JCAD: variants seen among roughly 807,000 people sequenced by gnomAD.
JCAD encodes the protein junctional cadherin 5-associated protein.
Under a neutral mutation model 98.0 loss-of-function variants are expected in JCAD, and 40 were observed. The observed-to-expected ratio is 0.41, with a 90% CI of 0.32 to 0.53. The LOEUF (loss-of-function observed/expected upper bound fraction) is 0.53, where lower values mean the gene tolerates loss of function less well. JCAD is among the 20% of genes least tolerant of loss of function. JCAD has a pLI of 0.31. For missense variants in JCAD, 1,705 were observed against 1,738.1 expected (o/e 0.98, Z 0.34); for synonymous variants, 691 against 682.3 (o/e 1.01, Z -0.20).
At chr10:30,043,733 C>T (rs901958246) in intron 2 of JCAD, among the ~76,000 whole-genome samples, 4 of 152,288 alleles carry the variant, frequency 2.6e-5, no homozygotes, top group Admixed American at 6.5e-5. Flanking sequence ...TCCTTTCAAA[C>T]GAAAACAGGC....
intron 1 of JCAD, among the ~76,000 whole-genome samples, chr10:30,081,961 G>A (rs1234226331): frequency 6.6e-6 from 1 of 152,162 alleles, no homozygotes; most frequent in Non-Finnish European, 1.5e-5. Context: ...AGTGTTTGGA[G>A]ATATCAAATG....
chr10:30,027,220 C>A lies in JCAD; in HGVS notation c.2928G>T (p.Thr976=). The stretch of plus-strand genomic sequence containing the variant: ...CGTCACTTGATCTTGAAGACATTCT[C>A]GTCACAGGAAATGGGCTACCTGCCA... ...DELAGSPFPV[T]RMSSRSSDAK... is the part of the protein sequence containing the mutation. Residue 976 remains threonine (T), a synonymous_variant, in exon 3 of 4, where the codon ACG becomes ACT. Transcript: ENST00000375377. 6.2e-7 allele frequency: 1 copy of A among 1,614,214 alleles called. No homozygotes were observed. Among genetic ancestry groups the A allele is most frequent in the East Asian group, 2.2e-5 (1 of 44,878 alleles).
chr10:30,075,692 A>G (rs758032260), intron 1 of JCAD, among the ~76,000 whole-genome samples: 1 of 152,238 alleles, frequency 6.6e-6, no homozygotes, highest in Non-Finnish European at 1.5e-5. Flanking sequence ...CCAACCTGTC[A>G]GAATCCATGC....
intron 1 of JCAD, among the ~76,000 whole-genome samples, chr10:30,115,167 C>T (rs929269488): frequency 2.0e-5 from 3 of 152,180 alleles, no homozygotes; most frequent in African/African-American, 7.2e-5. Context: ...GCGCTTTCTC[C>T]ACAAACAGAG....
At chr10:30,035,811 T>A (rs1171583286) in intron 2 of JCAD, among the ~76,000 whole-genome samples, 1 of 152,082 alleles carries the variant, frequency 6.6e-6, no homozygotes, top group Non-Finnish European at 1.5e-5. Context: ...CCCAGACAAA[T>A]TGTGTCCATG....
chr10:30,079,761 A>G (rs1025261332), intron 1 of JCAD, among the ~76,000 whole-genome samples: 5 of 152,222 alleles, frequency 3.3e-5, no homozygotes, highest in Non-Finnish European at 7.3e-5. Flanking sequence ...TGATACATTC[A>G]TACCCAACTC....
chr10:30,028,410 A>G lies in JCAD; in HGVS notation c.1738T>C (p.Phe580Leu), dbSNP rs1437514444. ...TTCACTGGGATAGAAACCAAGCAAA[A>G]TATAGTCTCGTTCATTTTTTTCTTT... ...SSKKKMNETI[F>L]CLVSIPVKSE... The change falls in exon 3 of 4, where the codon TTT becomes CTT. Residue 580 changes from phenylalanine to leucine, a missense_variant. Phe to Leu is a conservative substitution (Grantham distance 22, BLOSUM62 0). Around this residue, in one of 3 missense-constraint regions of JCAD, gnomAD observed 1,278 missense variants for 1,243.1 expected, o/e 1.03. Coordinates refer to ENST00000375377, the MANE Select transcript of JCAD (RefSeq NM_020848.4). 6.2e-7 allele frequency: 1 copy of G among 1,614,160 alleles called. No individual in the cohort carries two copies.
rs564615011 is a variant in JCAD, at chr10:30,053,387, C to A, written c.-59-5516G>T. Among the ~76,000 whole-genome samples the A allele has an allele frequency of 2.0e-5, 3 of 151,908 alleles. No homozygotes were observed. In the East Asian group the frequency reaches 5.8e-4, roughly 29 times the overall value. On this transcript the variant is annotated intron_variant, in intron 1 of 3. Coordinates refer to ENST00000375377, the MANE Select transcript of JCAD (RefSeq NM_020848.4). Reference sequence around the variant, plus strand: ...ACCAGCCTGGCCAATATGGTGAAACCCCACCTTTACTAAAAATACAAAAAT... The same window carrying A: ...ACCAGCCTGGCCAATATGGTGAAACACCACCTTTACTAAAAATACAAAAAT...
At chr10:30,051,279 C>T (rs1023326398) in intron 1 of JCAD, among the ~76,000 whole-genome samples, 11 of 94,342 alleles carry the variant, frequency 1.2e-4, no homozygotes, top group Non-Finnish European at 1.9e-4. Context: ...CACGCACACA[C>T]GCACGCACAC....
chr10:30,071,834 A>G (rs983464596), intron 1 of JCAD, among the ~76,000 whole-genome samples: 1 of 152,176 alleles, frequency 6.6e-6, no homozygotes, highest in Non-Finnish European at 1.5e-5. Context: ...TTGAAACACT[A>G]ACTACATTTA....
In JCAD at chr10:30,055,175, C is replaced by A. The variant is rs1280304483; in HGVS notation, c.-60+4307G>T. On this transcript the variant is annotated intron_variant, in intron 1 of 3. Transcript: ENST00000375377. ...AAGAAATCTAATACAAGGTTACAAC[C>A]AGCATTCTAAAAAGGTCTTAATTAG... Among the ~76,000 whole-genome samples, 2 of 152,116 alleles carry A rather than the reference C, an allele frequency of 1.3e-5. 1 individual carries two copies. Among genetic ancestry groups the A allele is most frequent in the East Asian group, 3.9e-4 (2 of 5,188 alleles).
At chr10:30,109,082 C>T (rs1487240829) in intron 1 of JCAD, among the ~76,000 whole-genome samples, 4 of 152,144 alleles carry the variant, frequency 2.6e-5, no homozygotes, top group African/African-American at 4.8e-5. Flanking sequence ...CATCTTCCCT[C>T]GTCCTCAGGC....
intron 3 of JCAD, among the ~76,000 whole-genome samples, chr10:30,021,399 T>C (rs1416325873): frequency 1.3e-5 from 2 of 152,132 alleles, no homozygotes; most frequent in African/African-American, 4.8e-5. Context: ...GGGGTCTCGC[T>C]ATGTTGCCCA....
intron 1 of JCAD, among the ~76,000 whole-genome samples, chr10:30,055,242 A>T (rs1006920387): frequency 3.9e-5 from 6 of 152,370 alleles, no homozygotes; most frequent in South Asian, 2.1e-4. Flanking sequence ...TTTCAGTTGT[A>T]TTCACTGACA....
chr10:30,016,868 C>G lies in JCAD; in HGVS notation c.*1015G>C, dbSNP rs1836546356. 6.6e-6 allele frequency: 1 copy of G among 152,100 alleles called. No individual in the cohort carries two copies. Among genetic ancestry groups the G allele is most frequent in the South Asian group, 2.1e-4 (1 of 4,816 alleles). 9.4% of individuals were successfully genotyped at this position (152,100 alleles called of 1,614,324 possible). On this transcript the variant is annotated 3_prime_UTR_variant, in exon 4 of 4. Transcript: ENST00000375377. ...TTTGTGAAAAGTTTCTTTTATTAAC[C>G]CTGTGATATGTCTATATTGACATTT...
intron 2 of JCAD, among the ~76,000 whole-genome samples, chr10:30,031,886 C>T (rs1434309687): frequency 2.0e-5 from 3 of 150,410 alleles, no homozygotes; most frequent in Non-Finnish European, 3.0e-5. Context: ...TCCCAAGTAG[C>T]TGGGACTACA....
intron 2 of JCAD, among the ~76,000 whole-genome samples, chr10:30,038,663 G>A (rs1837171433): frequency 7.7e-6 from 1 of 129,698 alleles, no homozygotes; most frequent in African/African-American, 3.0e-5. Context: ...TCGCCTGGGT[G>A]ACAGAGAGAG....
At chr10:30,023,620 A>C (rs1250949752) in intron 3 of JCAD, among the ~76,000 whole-genome samples, 2 of 152,200 alleles carry the variant, frequency 1.3e-5, no homozygotes, top group Non-Finnish European at 2.9e-5. Flanking sequence ...GAAGCTGTCA[A>C]CATGAGTGGC....
chr10:30,058,952 C>T (rs1837642152), intron 1 of JCAD, among the ~76,000 whole-genome samples: 1 of 152,136 alleles, frequency 6.6e-6, no homozygotes, highest in South Asian at 2.1e-4. Flanking sequence ...CCCACCGTCC[C>T]GGGCAGTCCA....
Sources: gnomAD v4.1 joint callset for allele counts (sites outside exome capture counted in the v4.1 genomes callset) on GRCh38, gnomAD v4.1.1 for gene constraint, gnomAD v4.1.1 regional missense constraint, MANE v1.5 for transcripts, NCBI Gene and HGNC (gene_info 2026-07-23, HGNC 2026-07-21) for gene names.